CAPZA1: variants seen among roughly 807,000 people sequenced by gnomAD.
CAPZA1 encodes the protein capping actin protein of muscle Z-line subunit alpha 1, also known as F-actin-capping protein subunit alpha-1.
A neutral mutation model predicts 40.8 loss-of-function variants in CAPZA1; 10 were observed. The ratio of observed to expected loss-of-function variants is 0.25; its 90% CI spans 0.15 to 0.42. The LOEUF is 0.42. Ranked by LOEUF, CAPZA1 falls within the 10% of genes least tolerant of loss-of-function variation. The probability of loss-of-function intolerance (pLI) is 1.00; values close to 1 mark genes in which losing one functional copy is unlikely to be tolerated. For missense variants in CAPZA1, 277 were observed against 353.8 expected (o/e 0.78, Z 1.74); for synonymous variants, 98 against 115.0 (o/e 0.85, Z 0.95).
chr1:112,623,809 T>A (rs1670735742), intron 1 of CAPZA1, among the ~76,000 whole-genome samples: 1 of 151,052 alleles, frequency 6.6e-6, no homozygotes, highest in Admixed American at 6.6e-5. Flanking sequence ...GAGATCGAGA[T>A]CCTGGCTAAC....
rs766229774 is a variant in CAPZA1 at position 112,638,932 on chromosome 1, A to ATATAGATATAGATATAGG, written c.40-8273_40-8272insATATAGATATAGGTATAG. Among the ~76,000 whole-genome samples, 500 of 117,266 alleles carry ATATAGATATAGATATAGG rather than the reference A, an allele frequency of 4.3e-3. 4 individuals are homozygous for ATATAGATATAGATATAGG. The highest frequency in any genetic ancestry group is 0.014 in the Admixed American group (159 of 11,622). The allele number at this position is 117,266 out of a possible 152,430, so 76.9% of individuals were successfully genotyped here. Reference sequence around the variant, plus strand: ...GATATAGATATAGATATAGATATAGATATAGGTATAGATATAGAGATAGAG... The same window carrying ATATAGATATAGATATAGG: ...GATATAGATATAGATATAGATATAGATATAGATATAGATATAGGTATAGGTATAGATATAGAGATAGAG... On this transcript the variant is annotated intron_variant, in intron 1 of 9. Transcript: ENST00000263168.
intron 7 of CAPZA1, among the ~76,000 whole-genome samples, chr1:112,663,496 T>C (rs1671660534): frequency 6.6e-6 from 1 of 151,938 alleles, no homozygotes; most frequent in Non-Finnish European, 1.5e-5. Context: ...TTCTTTTCCA[T>C]TGGATTCTCA....
intron 1 of CAPZA1, among the ~76,000 whole-genome samples, chr1:112,621,057 C>T (rs1344247583): frequency 6.6e-6 from 1 of 152,070 alleles, no homozygotes; most frequent in African/African-American, 2.4e-5. Context: ...TACGGAATAA[C>T]TTGATATATG....
intron 1 of CAPZA1, among the ~76,000 whole-genome samples, chr1:112,623,130 C>T (rs1389045287): frequency 1.3e-5 from 2 of 152,160 alleles, no homozygotes; most frequent in African/African-American, 4.8e-5. Flanking sequence ...CGTGATCCGC[C>T]TGCCTTGGCC....
chr1:112,657,346 A>G (rs191640220), intron 5 of CAPZA1, among the ~76,000 whole-genome samples: 39 of 151,990 alleles, frequency 2.6e-4, no homozygotes, highest in Admixed American at 1.1e-3. Context: ...CTCTCTCTGC[A>G]TCACCACCAC....
Position 112,619,862 on chromosome 1 carries a change from T to C in CAPZA1, c.18T>C (p.Asp6=). 1 of 1,613,138 alleles carries C rather than the reference T, an allele frequency of 6.2e-7. No homozygotes were observed. The highest frequency in any genetic ancestry group is 8.5e-7 in the Non-Finnish European group (1 of 1,179,632). The change falls in exon 1 of 10, where the codon GAT becomes GAC. Residue 6 remains aspartate (D), a synonymous_variant. Coordinates refer to ENST00000263168, the MANE Select transcript of CAPZA1 (RefSeq NM_006135.3). Reference sequence around the variant, plus strand: ...AGCCCAAGATGGCCGACTTCGATGATCGTGTGTCGGATGAGGAGAAGGTAA... The same window carrying C: ...AGCCCAAGATGGCCGACTTCGATGACCGTGTGTCGGATGAGGAGAAGGTAA... MADFD[D]RVSDEEKVRI... is the part of the protein sequence containing the mutation.
intron 4 of CAPZA1, among the ~76,000 whole-genome samples, chr1:112,653,973 C>T (rs528927100): frequency 4.6e-5 from 7 of 152,074 alleles, no homozygotes; most frequent in East Asian, 1.9e-4. Context: ...AAAACAGAGG[C>T]GTTCCTCCTG....
chr1:112,658,126 A>G (rs1050810126), intron 5 of CAPZA1, among the ~76,000 whole-genome samples: 2 of 152,312 alleles, frequency 1.3e-5, no homozygotes, highest in East Asian at 3.9e-4. Flanking sequence ...CAGATTTATT[A>G]GAGGAAAAAG....
intron 7 of CAPZA1, among the ~76,000 whole-genome samples, chr1:112,662,042 G>T (rs191872523): frequency 5.3e-5 from 8 of 152,324 alleles, no homozygotes; most frequent in East Asian, 3.9e-4. Flanking sequence ...ATTTGTGTTA[G>T]TTAATTGAAC....
chr1:112,623,953 C>T (rs1670740000), intron 1 of CAPZA1, among the ~76,000 whole-genome samples: 1 of 145,428 alleles, frequency 6.9e-6, no homozygotes, highest in Non-Finnish European at 1.5e-5. Context: ...TTGCAGTGAG[C>T]CGAGATTGTG....
intron 1 of CAPZA1, among the ~76,000 whole-genome samples, chr1:112,629,458 T>G (rs1670878459): frequency 6.6e-6 from 1 of 152,254 alleles, no homozygotes; most frequent in African/African-American, 2.4e-5. Flanking sequence ...GTAAACTCCA[T>G]GAGGACAGTA....
At chr1:112,669,898 G>A in intron 9 of CAPZA1, 94 bp from the exon 10 acceptor site, 1 of 1,339,198 alleles carries the variant, frequency 7.5e-7, no homozygotes, top group South Asian at 1.2e-5. Flanking sequence ...CTTCACAGGG[G>A]ACTCAAGCAT....
At chr1:112,641,750 C>G (rs920368562) in intron 1 of CAPZA1, among the ~76,000 whole-genome samples, 2 of 151,872 alleles carry the variant, frequency 1.3e-5, no homozygotes, top group Non-Finnish European at 2.9e-5. Context: ...TTAGCGGGGC[C>G]TTATGGCACG....
At chr1:112,636,235 C>A (rs768883664) in intron 1 of CAPZA1, among the ~76,000 whole-genome samples, 5 of 151,888 alleles carry the variant, frequency 3.3e-5, no homozygotes, top group Non-Finnish European at 5.9e-5. Context: ...CTTTTCAGTG[C>A]GACTGATTTT....
At chr1:112,653,564 T>C in intron 3 of CAPZA1, 34 bp from the exon 4 acceptor site, 1 of 1,367,814 alleles carries the variant, frequency 7.3e-7, no homozygotes, top group Non-Finnish European at 1.0e-6. Context: ...CCTCTTTTTT[T>C]TTTTTTTTTT....
Position 112,668,542 on chromosome 1 carries a change from G to A in CAPZA1, c.658-1001G>A, listed in dbSNP as rs1671770092. On this transcript the variant is annotated intron_variant, in intron 8 of 9. Transcript: ENST00000263168. ...AAGTTTCGCTCTTGTTGCCCAGGCT[G>A]GAGCACTGTCTTGGCTCACTGCAAC... Among the ~76,000 whole-genome samples the A allele has an allele frequency of 2.0e-5, 3 of 152,110 alleles. No homozygotes were observed. The South Asian group carries it at 6.2e-4, about 31-fold the overall frequency.
chr1:112,625,216 T>G (rs1364753841), intron 1 of CAPZA1, among the ~76,000 whole-genome samples: 1 of 152,210 alleles, frequency 6.6e-6, no homozygotes, highest in African/African-American at 2.4e-5. Flanking sequence ...GCCATGCCAC[T>G]GCTGGGAACA....
intron 1 of CAPZA1, among the ~76,000 whole-genome samples, chr1:112,624,351 G>T (rs924851328): frequency 6.6e-6 from 1 of 152,018 alleles, no homozygotes; most frequent in African/African-American, 2.4e-5. Context: ...GCTCACGCTC[G>T]TAATCCCAGT....
chr1:112,669,448 A>G (rs1671786969), intron 8 of CAPZA1, 95 bp from the exon 9 acceptor site: 2 of 857,382 alleles, frequency 2.3e-6, no homozygotes, highest in Non-Finnish European at 3.9e-6. Context: ...AGAAATTGTC[A>G]TACAAATGTT....
Sources: allele counts gnomAD v4.1 joint callset (sites outside exome capture counted in the v4.1 genomes callset), GRCh38; gene constraint gnomAD v4.1.1; transcripts MANE v1.5; gene names NCBI Gene and HGNC (gene_info 2026-07-23, HGNC 2026-07-21).